ZNF438: variants seen among roughly 807,000 people sequenced by gnomAD.
The protein encoded by ZNF438 is zinc finger protein 438.
ZNF438 carries 25 observed loss-of-function variants against 38.0 expected under a neutral mutation model. That is an observed-to-expected ratio of 0.66 (90% CI 0.48 to 0.92). The LOEUF is 0.92. Ranked by LOEUF, ZNF438 falls within the 40% of genes least tolerant of loss-of-function variation. The pLI is 0.00. For missense variants in ZNF438, 1,007 were observed against 999.6 expected, an observed-to-expected ratio of 1.01 and a Z score of -0.10; for synonymous variants, 372 against 364.1, an observed-to-expected ratio of 1.02 and a Z score of -0.25.
intron 1 of ZNF438, among the ~76,000 whole-genome samples, chr10:31,001,626 A>T (rs896586969): frequency 1.1e-4 from 16 of 152,210 alleles, no homozygotes; most frequent in African/African-American, 3.6e-4. Context: ...TCTGCATATT[A>T]CCTTTCTAAT....
At chr10:30,942,455 G>A (rs935726152) in intron 1 of ZNF438, among the ~76,000 whole-genome samples, 7 of 152,158 alleles carry the variant, frequency 4.6e-5, no homozygotes, top group African/African-American at 1.4e-4. Flanking sequence ...CAGAGTAACT[G>A]CAATAAAAGT....
chr10:30,934,190 A>G (rs1564674771), intron 2 of ZNF438, among the ~76,000 whole-genome samples: 1 of 151,578 alleles, frequency 6.6e-6, no homozygotes, highest in Non-Finnish European at 1.5e-5. Context: ...GCACTTGAGG[A>G]CTGGGGAACC....
chr10:30,844,647 C>G (rs1228575153), exon 6 of ZNF438: 1 of 239,146 alleles, frequency 4.2e-6, no homozygotes, highest in African/African-American at 2.3e-5. Flanking sequence ...TCACTGAGAG[C>G]TGTATTTGAA....
chr10:30,897,763 G>A (rs1276622453), intron 3 of ZNF438, among the ~76,000 whole-genome samples: 1 of 152,216 alleles, frequency 6.6e-6, no homozygotes, highest in Admixed American at 6.5e-5. Context: ...CTGACAGTGA[G>A]ACAAGCAGAC....
At chr10:30,877,982 C>G (rs1438388758) in intron 3 of ZNF438, among the ~76,000 whole-genome samples, 1 of 152,174 alleles carries the variant, frequency 6.6e-6, no homozygotes, top group Admixed American at 6.5e-5. Context: ...CAGATTCATG[C>G]TTCTGCCTGA....
intron 1 of ZNF438, among the ~76,000 whole-genome samples, chr10:30,969,523 T>C (rs1343226514): frequency 6.6e-6 from 1 of 152,214 alleles, no homozygotes; most frequent in Non-Finnish European, 1.5e-5. Flanking sequence ...ATACTTATAT[T>C]AGGAAAACAG....
intron 3 of ZNF438, among the ~76,000 whole-genome samples, chr10:30,887,083 C>T (rs1419924895): frequency 1.3e-5 from 2 of 152,182 alleles, no homozygotes; most frequent in Admixed American, 1.3e-4. Flanking sequence ...ATCCAAAGCC[C>T]ATATCCTCAA....
At chr10:31,023,638 G>T (rs577581648) in intron 1 of ZNF438, among the ~76,000 whole-genome samples, 2 of 152,314 alleles carry the variant, frequency 1.3e-5, no homozygotes, top group Non-Finnish European at 2.9e-5. Context: ...GAAAGGAAAA[G>T]ATTGTTCTTT....
At chr10:30,848,299 A>AACTATATACAGT (rs1487717350) in intron 5 of ZNF438, among the ~76,000 whole-genome samples, 1 of 152,168 alleles carries the variant, frequency 6.6e-6, no homozygotes, top group African/African-American at 2.4e-5. Flanking sequence ...AGACCACTGG[A>AACTATATACAGT]ACTATATACA....
At chr10:31,029,749 T>C (rs374053676) in intron 1 of ZNF438, among the ~76,000 whole-genome samples, 8 of 152,364 alleles carry the variant, frequency 5.3e-5, no homozygotes, top group East Asian at 1.9e-4. Flanking sequence ...ACAACATCTT[T>C]ACTTCACCAC....
intron 2 of ZNF438, among the ~76,000 whole-genome samples, chr10:30,924,067 T>C (rs576108656): frequency 1.3e-5 from 2 of 152,350 alleles, no homozygotes; most frequent in Middle Eastern, 6.8e-3. Flanking sequence ...ATGTAAATTA[T>C]ATCTTTTAAA....
At chr10:30,890,783 A>T (rs1339166565) in intron 3 of ZNF438, among the ~76,000 whole-genome samples, 2 of 152,234 alleles carry the variant, frequency 1.3e-5, no homozygotes, top group Non-Finnish European at 2.9e-5. Context: ...CTTAGAGTTG[A>T]TTCTTCCAGC....
chr10:30,912,218 C>G (rs1416301858), intron 2 of ZNF438, among the ~76,000 whole-genome samples: 2 of 152,120 alleles, frequency 1.3e-5, no homozygotes, highest in Non-Finnish European at 2.9e-5. Context: ...ATTCACTCCT[C>G]ATATGTGCTT....
intron 1 of ZNF438, among the ~76,000 whole-genome samples, chr10:30,974,931 G>C (rs1181062888): frequency 6.6e-6 from 1 of 152,108 alleles, no homozygotes; most frequent in East Asian, 1.9e-4. Context: ...GTGCTTTCCA[G>C]AATACCACAC....
chr10:30,965,757 A>T (rs2050046688), intron 1 of ZNF438, among the ~76,000 whole-genome samples: 1 of 152,204 alleles, frequency 6.6e-6, no homozygotes, highest in South Asian at 2.1e-4. Flanking sequence ...GGACTACTAG[A>T]GGAAGGAGAG....
intron 2 of ZNF438, among the ~76,000 whole-genome samples, chr10:30,934,322 T>C (rs2046006171): frequency 6.6e-6 from 1 of 152,204 alleles, no homozygotes; most frequent in Non-Finnish European, 1.5e-5. Context: ...ACTGCTCCTC[T>C]ACTCGTTATT....
chr10:30,926,546 G>C (rs2044948905), intron 2 of ZNF438, among the ~76,000 whole-genome samples: 1 of 151,794 alleles, frequency 6.6e-6, no homozygotes, highest in Non-Finnish European at 1.5e-5. Context: ...GGTGCCTGTA[G>C]TTCCAGCTAC....
intron 4 of ZNF438, among the ~76,000 whole-genome samples, chr10:30,874,099 T>TGG (rs375427977): frequency 2.2e-5 from 3 of 138,388 alleles, no homozygotes; most frequent in Non-Finnish European, 4.6e-5. Flanking sequence ...TGTGGGTGTG[T>TGG]GGGGGTGTGT....
At chr10:31,008,320 C>T (rs1341506056) in intron 1 of ZNF438, among the ~76,000 whole-genome samples, 1 of 152,010 alleles carries the variant, frequency 6.6e-6, no homozygotes, top group Non-Finnish European at 1.5e-5. Context: ...TGCAATTTAC[C>T]CTTTTGAAAT....
Sources: gnomAD v4.1 joint callset for allele counts (sites outside exome capture counted in the v4.1 genomes callset) on GRCh38, gnomAD v4.1.1 for gene constraint, MANE v1.5 for transcripts, NCBI Gene and HGNC (gene_info 2026-07-23, HGNC 2026-07-21) for gene names.